Variants in GAS7 observed in about 807,000 individuals in gnomAD.
GAS7 encodes the protein growth arrest-specific protein 7.
In GAS7, 28 loss-of-function variants were observed where a neutral mutation model predicts 71.1. That is an observed-to-expected ratio of 0.39 (90% CI 0.29 to 0.54). GAS7 has a LOEUF of 0.54. Among genes scored for constraint, GAS7 ranks in the 20% least tolerant of loss-of-function variants. The pLI, the probability that GAS7 is intolerant of heterozygous loss-of-function variation, is 0.62. For synonymous variants in GAS7, 258 were observed against 245.8 expected (o/e 1.05, Z -0.46); for missense variants, 436 against 627.8 (o/e 0.69, Z 3.27).
chr17:9,996,391 A>G (rs1416335563), intron 2 of GAS7, among the ~76,000 whole-genome samples: 1 of 134,856 alleles, frequency 7.4e-6, no homozygotes, highest in Admixed American at 7.7e-5. Context: ...GGGACACAGG[A>G]AGGGGAACAT....
chr17:10,060,261 G>A (rs548611867), intron 1 of GAS7, among the ~76,000 whole-genome samples: 3 of 152,350 alleles, frequency 2.0e-5, no homozygotes, highest in Admixed American at 6.5e-5. Context: ...AGAGTCGAGA[G>A]GCCACCAGCT....
intron 1 of GAS7, among the ~76,000 whole-genome samples, chr17:10,177,021 T>C (rs1198491137): frequency 2.0e-5 from 3 of 152,040 alleles, no homozygotes; most frequent in African/African-American, 7.2e-5. Context: ...GTTACAAAAG[T>C]TTAGGAAGTG....
At chr17:10,168,170 G>A (rs72810920) in intron 1 of GAS7, among the ~76,000 whole-genome samples, 7,542 of 152,040 alleles carry the variant, frequency 0.05, 241 homozygotes, top group South Asian at 0.098. Context: ...ACTAAGGAAC[G>A]GAAAATAAAG....
At chr17:10,064,718 G>C (rs2073262230) in intron 1 of GAS7, among the ~76,000 whole-genome samples, 1 of 151,446 alleles carries the variant, frequency 6.6e-6, no homozygotes, top group East Asian at 1.9e-4. Context: ...GGAAGACAGG[G>C]AATCAGAGAT....
At chr17:10,145,974 G>A (rs919891690) in intron 1 of GAS7, among the ~76,000 whole-genome samples, 2 of 152,138 alleles carry the variant, frequency 1.3e-5, no homozygotes, top group Non-Finnish European at 2.9e-5. Context: ...TGAGGCCCAG[G>A]CCCTCTGAAC....
intron 1 of GAS7, among the ~76,000 whole-genome samples, chr17:10,177,132 C>T (rs1366027630): frequency 6.6e-6 from 1 of 152,108 alleles, no homozygotes; most frequent in Non-Finnish European, 1.5e-5. Flanking sequence ...GCAGGAGATC[C>T]CCATGCAAGC....
At chr17:10,069,607 T>C (rs763557360) in intron 1 of GAS7, among the ~76,000 whole-genome samples, 13 of 152,344 alleles carry the variant, frequency 8.5e-5, no homozygotes, top group Middle Eastern at 3.4e-3. Flanking sequence ...GGTCACAGTG[T>C]TAATGGGTTT....
chr17:10,178,117 T>C (rs528536295), intron 1 of GAS7, among the ~76,000 whole-genome samples: 1 of 151,432 alleles, frequency 6.6e-6, no homozygotes, highest in East Asian at 1.9e-4. Flanking sequence ...CCCCTGGGAG[T>C]GTATGTGGCA....
chr17:9,946,356 C>G (rs1362024766), intron 6 of GAS7, among the ~76,000 whole-genome samples: 3 of 152,204 alleles, frequency 2.0e-5, no homozygotes, highest in Non-Finnish European at 4.4e-5. Context: ...GCGACCATCA[C>G]CACCATCCAC....
rs199617050 is a variant in GAS7, at chr17:10,076,162, GGGGAAA to G, written c.184-56271_184-56266del. 9.7e-4 allele frequency among the ~76,000 whole-genome samples: 125 copies of G among 128,686 alleles called. No individual in the cohort carries two copies. In the East Asian group the frequency reaches 0.017, roughly 18 times the overall value. The allele number at this position is 128,686 out of a possible 152,430, so 84.4% of individuals were successfully genotyped here. A position where few individuals can be genotyped will look rare whatever the true frequency, so the allele number is the denominator to read the frequency against. On this transcript the variant is annotated intron_variant, in intron 1 of 13. Coordinates refer to ENST00000432992, the MANE Select transcript of GAS7 (RefSeq NM_201433.2). ...CGAAGGGGGGGAATGGGAAAGGGAA[GGGGAAA>G]GGGAAAGGGAAAGGGAAGTGGAAAG...
intron 1 of GAS7, among the ~76,000 whole-genome samples, chr17:10,167,567 T>C (rs947271348): frequency 5.9e-5 from 9 of 152,220 alleles, no homozygotes; most frequent in Non-Finnish European, 2.9e-5. Context: ...TTAGAGGGCA[T>C]TGGCCCTATA....
At chr17:9,976,916 C>A (rs2152124324) in intron 3 of GAS7, among the ~76,000 whole-genome samples, 1 of 152,238 alleles carries the variant, frequency 6.6e-6, no homozygotes, top group South Asian at 2.1e-4. Context: ...CCACAGATGC[C>A]TATTTGAATT....
At chr17:10,084,633 A>G (rs1247402860) in intron 1 of GAS7, among the ~76,000 whole-genome samples, 2 of 151,962 alleles carry the variant, frequency 1.3e-5, no homozygotes, top group South Asian at 2.1e-4. Flanking sequence ...CACCTGGCTA[A>G]TATTTGTATT....
intron 2 of GAS7, among the ~76,000 whole-genome samples, chr17:9,991,583 G>A (rs2070844635): frequency 6.6e-6 from 1 of 152,102 alleles, no homozygotes; most frequent in Non-Finnish European, 1.5e-5. Flanking sequence ...AATAGCCAAG[G>A]AATTCGAAGG....
intron 1 of GAS7, among the ~76,000 whole-genome samples, chr17:10,047,677 G>GA (rs564840993): frequency 5.9e-4 from 89 of 150,638 alleles, no homozygotes; most frequent in African/African-American, 1.9e-3. Context: ...ATCATAACAG[G>GA]AAAAAAAAAG....
chr17:10,181,533 G>A (rs1305028829), intron 1 of GAS7, among the ~76,000 whole-genome samples: 1 of 152,130 alleles, frequency 6.6e-6, no homozygotes, highest in Non-Finnish European at 1.5e-5. Context: ...CAAGAATCAG[G>A]TAGTTCCATG....
At chr17:10,130,516 A>G (rs2073988999) in intron 1 of GAS7, among the ~76,000 whole-genome samples, 1 of 152,178 alleles carries the variant, frequency 6.6e-6, no homozygotes, top group Non-Finnish European at 1.5e-5. Context: ...AGAAAATTAA[A>G]AACACATGTC....
chr17:10,183,354 C>T (rs1462563285), intron 1 of GAS7, among the ~76,000 whole-genome samples: 1 of 152,154 alleles, frequency 6.6e-6, no homozygotes, highest in Admixed American at 6.5e-5. Flanking sequence ...AAGGGTCCCC[C>T]TACTTCCCCA....
At chr17:10,029,343 TAA>T (rs1373375874) in intron 1 of GAS7, among the ~76,000 whole-genome samples, 1 of 152,148 alleles carries the variant, frequency 6.6e-6, no homozygotes, top group Non-Finnish European at 1.5e-5. Context: ...CAGAAGTACT[TAA>T]GAGATGTACT....
Sources: gnomAD v4.1 joint callset for allele counts (sites outside exome capture counted in the v4.1 genomes callset) on GRCh38, gnomAD v4.1.1 for gene constraint, MANE v1.5 for transcripts, NCBI Gene and HGNC (gene_info 2026-07-23, HGNC 2026-07-21) for gene names.